Variants in ETV1 observed in about 807,000 individuals in gnomAD.
ETV1 encodes the protein ETS translocation variant 1.
ETV1 carries 27 observed loss-of-function variants against 62.3 expected under a neutral mutation model. The ratio of observed to expected loss-of-function variants is 0.43; its 90% CI spans 0.32 to 0.60. The LOEUF (loss-of-function observed/expected upper bound fraction) is 0.60, where lower values mean the gene tolerates loss of function less well. Among genes scored for constraint, ETV1 ranks in the 20% least tolerant of loss-of-function variants. ETV1 has a pLI of 0.06. For missense variants in ETV1, 605 were observed against 605.8 expected (o/e 1.00, Z 0.01); for synonymous variants, 222 against 199.6 (o/e 1.11, Z -0.94).
intron 9 of ETV1, among the ~76,000 whole-genome samples, chr7:13,915,397 A>G (rs553683562): frequency 6.6e-6 from 1 of 152,308 alleles, no homozygotes; most frequent in East Asian, 1.9e-4. Context: ...ACATTTGTCT[A>G]TTATGTAAAA....
intron 10 of ETV1, among the ~76,000 whole-genome samples, chr7:13,910,798 T>A (rs1440243977): frequency 6.6e-6 from 1 of 152,216 alleles, no homozygotes; most frequent in Non-Finnish European, 1.5e-5. Flanking sequence ...TGAAATCTCA[T>A]TCATATAAAT....
At chr7:13,901,492 C>T (rs115996481) in intron 12 of ETV1, among the ~76,000 whole-genome samples, 98 of 152,226 alleles carry the variant, frequency 6.4e-4, no homozygotes, top group African/African-American at 2.3e-3. Flanking sequence ...CTGTTTTATC[C>T]TTCTTGGTTT....
intron 7 of ETV1, among the ~76,000 whole-genome samples, chr7:13,937,580 T>C (rs1786952063): frequency 6.6e-6 from 1 of 152,238 alleles, no homozygotes; most frequent in Non-Finnish European, 1.5e-5. Flanking sequence ...CAGTCACAAT[T>C]CTGATTAATG....
chr7:13,990,498 C>G (rs77572271), upstream of ETV1: 1 of 152,086 alleles, frequency 6.6e-6, no homozygotes, highest in Non-Finnish European at 1.5e-5. Context: ...TCCTAGAACC[C>G]GCACGTTTCC....
chr7:13,942,303 A>T (rs969469199), intron 6 of ETV1, among the ~76,000 whole-genome samples: 1 of 152,130 alleles, frequency 6.6e-6, no homozygotes, highest in Non-Finnish European at 1.5e-5. Context: ...CATTACAGGC[A>T]TGAGCCACCG....
Position 13,989,454 on chromosome 7 carries a change from A to G in ETV1, c.-274T>C. The G allele has an allele frequency of 2.4e-6, 1 of 420,000 alleles. No homozygotes were observed. Among genetic ancestry groups the G allele is most frequent in the Non-Finnish European group, 4.2e-6 (1 of 239,764 alleles). 26.0% of individuals were successfully genotyped at this position (420,000 alleles called of 1,614,324 possible). Reference sequence around the variant, plus strand: ...TGGCGATCAACGAGACTTGCTTTGCACCTAACGGGACTAAAGAGACGGAGA... The same window carrying G: ...TGGCGATCAACGAGACTTGCTTTGCGCCTAACGGGACTAAAGAGACGGAGA... On this transcript the variant is annotated 5_prime_UTR_variant, in exon 2 of 14. Transcript: ENST00000430479.
At chr7:13,929,266 A>G (rs1785804082) in intron 9 of ETV1, among the ~76,000 whole-genome samples, 1 of 152,214 alleles carries the variant, frequency 6.6e-6, no homozygotes, top group African/African-American at 2.4e-5. Flanking sequence ...CACAATGGGA[A>G]TTTCAAGATA....
intron 6 of ETV1, among the ~76,000 whole-genome samples, chr7:13,975,944 A>G (rs1377526588): frequency 6.6e-6 from 1 of 152,190 alleles, no homozygotes; most frequent in Non-Finnish European, 1.5e-5. Flanking sequence ...AGCTTTTAGA[A>G]AGAAGAATTC....
intron 13 of ETV1, 49 bp from the exon 14 acceptor site, chr7:13,896,136 G>T (rs1401096665): frequency 8.6e-6 from 13 of 1,505,554 alleles, no homozygotes; most frequent in Non-Finnish European, 1.1e-5. Context: ...TCGCCAGATG[G>T]GGAAGGACAG....
intron 6 of ETV1, among the ~76,000 whole-genome samples, chr7:13,954,711 A>G (rs1195142181): frequency 6.6e-6 from 1 of 152,210 alleles, no homozygotes; most frequent in Non-Finnish European, 1.5e-5. Flanking sequence ...GACATGCTGG[A>G]AACAACCCTC....
At chr7:13,950,336 G>A (rs1788651395) in intron 6 of ETV1, among the ~76,000 whole-genome samples, 2 of 152,040 alleles carry the variant, frequency 1.3e-5, no homozygotes, top group African/African-American at 2.4e-5. Flanking sequence ...TTCACAGAAG[G>A]GAGCATCAAA....
intron 7 of ETV1, among the ~76,000 whole-genome samples, chr7:13,936,797 T>C (rs1369435412): frequency 1.3e-5 from 2 of 152,148 alleles, no homozygotes; most frequent in African/African-American, 4.8e-5. Flanking sequence ...TCCTAGCACT[T>C]TGGGAGGCTG....
At chr7:13,962,902 C>A (rs747009135) in intron 6 of ETV1, among the ~76,000 whole-genome samples, 4 of 152,062 alleles carry the variant, frequency 2.6e-5, no homozygotes, top group Non-Finnish European at 5.9e-5. Flanking sequence ...TATGTATACA[C>A]GGATGTGGCA....
At position 13,956,844 on chromosome 7, in the gene ETV1, A is replaced by C. The variant is rs372239910; in HGVS notation, c.236-17598T>G. On this transcript the variant is annotated intron_variant, in intron 6 of 13. Transcript: ENST00000430479. ...CTGCGTTTGATTTTATTGTCACATAAATTTCATTTAAGTAAATATCAGTTA... is the reference window on the plus strand; with the variant it reads ...CTGCGTTTGATTTTATTGTCACATACATTTCATTTAAGTAAATATCAGTTA... 5.3e-5 allele frequency among the ~76,000 whole-genome samples: 8 copies of C among 152,152 alleles called. No individual in the cohort carries two copies. In the South Asian group the frequency reaches 8.3e-4, roughly 16 times the overall value.
chr7:13,925,759 G>T (rs989773035), intron 9 of ETV1, among the ~76,000 whole-genome samples: 1 of 151,626 alleles, frequency 6.6e-6, no homozygotes, highest in Admixed American at 6.6e-5. Flanking sequence ...TAGTAGAGAC[G>T]GGGTTTCACC....
intron 10 of ETV1, among the ~76,000 whole-genome samples, chr7:13,910,016 A>G (rs552560960): frequency 1.3e-5 from 2 of 152,248 alleles, no homozygotes; most frequent in African/African-American, 4.8e-5. Flanking sequence ...GCAAGGATTT[A>G]TAACGTATCG....
At position 13,894,376 on chromosome 7, in the gene ETV1, AC is replaced by A. The variant is rs1425204509; in HGVS notation, c.*1489del. Reference sequence around the variant, plus strand: ...ATGCAAAGCAAAAACAGAACAAAAAACTTTGAAACTTTAAATCTTCTTTCAA... The same window carrying A: ...ATGCAAAGCAAAAACAGAACAAAAAATTTGAAACTTTAAATCTTCTTTCAA... On this transcript the variant is annotated 3_prime_UTR_variant, in exon 14 of 14. Coordinates refer to ENST00000430479, the MANE Select transcript of ETV1 (RefSeq NM_004956.5). 4.3e-6 allele frequency: 1 copy of A among 232,598 alleles called. No homozygotes were observed. The highest frequency in any genetic ancestry group is 6.1e-5 in the East Asian group (1 of 16,386). The allele number at this position is 232,598 out of a possible 1,614,324, so 14.4% of individuals were successfully genotyped here.
At chr7:13,907,752 C>A (rs1015442465) in intron 11 of ETV1, 4 of 451,406 alleles carry the variant, frequency 8.9e-6, no homozygotes, top group African/African-American at 8.2e-5. Context: ...ACTAAGTGTG[C>A]ATTATAAAAT....
chr7:13,978,772 T>C (rs1007619355), intron 5 of ETV1, among the ~76,000 whole-genome samples: 5 of 152,044 alleles, frequency 3.3e-5, no homozygotes, highest in African/African-American at 1.2e-4. Flanking sequence ...TTTTTATTAG[T>C]TTAATATTAT....
Sources: allele counts gnomAD v4.1 joint callset (sites outside exome capture counted in the v4.1 genomes callset), GRCh38; gene constraint gnomAD v4.1.1; transcripts MANE v1.5; gene names NCBI Gene and HGNC (gene_info 2026-07-23, HGNC 2026-07-21).